The following WFS1 variants were observed in gnomAD, a reference collection of about 807,000 sequenced individuals.
WFS1 encodes the protein wolframin.
WFS1 carries 90 observed loss-of-function variants against 68.5 expected under a neutral mutation model. That is an observed-to-expected ratio of 1.31 (90% CI 1.11 to 1.56). WFS1 has a LOEUF of 1.56. Among genes scored for constraint, WFS1 ranks in the 40% most tolerant of loss-of-function variants. WFS1 has a pLI of 0.00. For synonymous variants in WFS1, 860 were observed against 540.7 expected, an observed-to-expected ratio of 1.59 and a Z score of -8.19; for missense variants, 1,767 against 1,232.6, an observed-to-expected ratio of 1.43 and a Z score of -6.49.
chr4:6,294,039 G>A lies in WFS1; in HGVS notation c.713-1002G>A, dbSNP rs975883624. Among the ~76,000 whole-genome samples, 5 of 152,128 alleles carry A rather than the reference G, an allele frequency of 3.3e-5. No individual in the cohort carries two copies. In the South Asian group the frequency reaches 6.2e-4, roughly 19 times the overall value. On this transcript the variant is annotated intron_variant, in intron 6 of 7. Transcript: ENST00000226760. ...TGCAGCTACACCTGGGTGCTGCCCCGACTCCTCTCCTCTTGCACACACAGC... is the reference window on the plus strand; with the variant it reads ...TGCAGCTACACCTGGGTGCTGCCCCAACTCCTCTCCTCTTGCACACACAGC...
Position 6,300,850 on chromosome 4 carries a change from T to C in WFS1, c.1055T>C (p.Leu352Pro). ...AFFIPLVIFY[L>P]SFISMVICTL... ...TTCATCCCGCTGGTCATCTTCTACC[T>C]GTCCTTCATCTCCATGGTGATCTGC... is the stretch of plus-strand genomic sequence containing the variant. The change falls in exon 8 of 8, where the codon CTG (leucine) becomes CCG (proline). Residue 352 changes from leucine to proline, a missense_variant. Physicochemically the swap from Leu to Pro is moderately conservative, Grantham distance 98. Transcript: ENST00000226760. 1 of 1,614,142 alleles carries C rather than the reference T, an allele frequency of 6.2e-7. No homozygotes were observed.
chr4:6,293,985 GC>G (rs1043197907), intron 6 of WFS1, among the ~76,000 whole-genome samples: 2 of 150,138 alleles, frequency 1.3e-5, no homozygotes, highest in Non-Finnish European at 3.0e-5. Flanking sequence ...ACTTGTGTGG[GC>G]CCCCCCAAGG....
Position 6,291,179 on chromosome 4 carries a change from C to G in WFS1, c.461-18C>G. 1 of 1,611,252 alleles carries G rather than the reference C, an allele frequency of 6.2e-7. No homozygotes were observed. The highest frequency in any genetic ancestry group is 8.5e-7 in the Non-Finnish European group (1 of 1,179,820). ...TAGGCAGGGCACACAAGGCCTTTGA[C>G]CACATCCTATCCCTCAGGCATCACG... On this transcript the variant is annotated intron_variant, in intron 4 of 7. Coordinates refer to ENST00000226760, the MANE Select transcript of WFS1 (RefSeq NM_006005.3).
chr4:6,299,533 G>C (rs1186631975), intron 7 of WFS1, among the ~76,000 whole-genome samples: 1 of 112,414 alleles, frequency 8.9e-6, no homozygotes, highest in Non-Finnish European at 1.8e-5. Flanking sequence ...ATGTGTATAG[G>C]GGTGGGTTGT....
At chr4:6,274,148 A>G (rs971502062) in intron 1 of WFS1, among the ~76,000 whole-genome samples, 1 of 150,830 alleles carries the variant, frequency 6.6e-6, no homozygotes, top group Non-Finnish European at 1.5e-5. Context: ...CTGGGTTCAC[A>G]CCATTCTCCT....
chr4:6,283,222 G>A lies in WFS1; in HGVS notation c.233-3871G>A, dbSNP rs1294080950. On this transcript the variant is annotated intron_variant, in intron 2 of 7. Coordinates refer to ENST00000226760, the MANE Select transcript of WFS1 (RefSeq NM_006005.3). The surrounding 1 kb of genome is among the most constrained non-coding windows in gnomAD (Gnocchi z 5.0). ...GTGCATGACAAATAATTAAAAAGAT[G>A]TAGGGTGTTCTCCATAGAACCTCAC... is the stretch of plus-strand genomic sequence containing the variant. Among the ~76,000 whole-genome samples the A allele has an allele frequency of 1.3e-5, 2 of 152,196 alleles. No homozygotes were observed. Among genetic ancestry groups the A allele is most frequent in the Non-Finnish European group, 2.9e-5 (2 of 68,040 alleles).
At chr4:6,282,200 A>G (rs1396454520) in intron 2 of WFS1, among the ~76,000 whole-genome samples, 4 of 152,218 alleles carry the variant, frequency 2.6e-5, no homozygotes, top group South Asian at 2.1e-4. Flanking sequence ...AGGGCTGAGG[A>G]CCATTCAGCC....
rs1435758866 is a variant in WFS1, at chr4:6,302,217, A to G, written c.2422A>G (p.Ser808Gly). ...VTKDIVLRAS[S>G]EFKSVLLSLR... is the part of the protein sequence containing the mutation. The stretch of plus-strand genomic sequence containing the variant: ...CAAGGACATCGTGCTGCGGGCCAGC[A>G]GCGAGTTCAAGAGCGTGCTGCTCAG... The change falls in exon 8 of 8, where the codon AGC (serine) becomes GGC (glycine). Residue 808 changes from serine (S) to glycine (G), a missense_variant. Coordinates refer to ENST00000226760, the MANE Select transcript of WFS1 (RefSeq NM_006005.3). 3 of 1,610,932 alleles carry G rather than the reference A, an allele frequency of 1.9e-6. No individual in the cohort carries two copies. Among genetic ancestry groups the G allele is most frequent in the South Asian group, 1.1e-5 (1 of 90,978 alleles).
chr4:6,291,770 C>A (rs1730470410), intron 5 of WFS1, 147 bp from the exon 6 acceptor site: 1 of 858,144 alleles, frequency 1.2e-6, no homozygotes, highest in East Asian at 2.7e-5. Context: ...CCCTGCTCTG[C>A]CTGCCCTGGG....
Position 6,301,924 on chromosome 4 carries a change from C to G in WFS1, c.2129C>G (p.Thr710Ser), listed in dbSNP as rs200136995. ...GGCCGCTTCAAGTACGTCCGCGTGA[C>G]TGACATCGACAACAGCGCCGAGTCT... is the stretch of plus-strand genomic sequence containing the variant. ...WTGRFKYVRVTDIDNSAESAI... is the reference protein window; with the variant it reads ...WTGRFKYVRVSDIDNSAESAI... Residue 710 changes from threonine (T) to serine (S), a missense_variant, in exon 8 of 8, where the codon ACT (threonine) becomes AGT (serine). Thr to Ser is a moderately conservative substitution (Grantham distance 58). Coordinates refer to ENST00000226760, the MANE Select transcript of WFS1 (RefSeq NM_006005.3). The G allele has an allele frequency of 1.3e-5, 21 of 1,612,974 alleles. No individual in the cohort carries two copies. The highest frequency in any genetic ancestry group is 1.6e-4 in the Middle Eastern group (1 of 6,062).
At chr4:6,282,026 G>A (rs1326530130) in intron 2 of WFS1, among the ~76,000 whole-genome samples, 1 of 152,200 alleles carries the variant, frequency 6.6e-6, no homozygotes, top group African/African-American at 2.4e-5. Flanking sequence ...GGACGTGCTC[G>A]TTCTTGCCTG....
intron 2 of WFS1, among the ~76,000 whole-genome samples, chr4:6,282,065 G>T (rs1338339833): frequency 2.0e-5 from 3 of 152,224 alleles, no homozygotes; most frequent in Non-Finnish European, 4.4e-5. Context: ...TGAGCTCAGG[G>T]GTCCTGCCTG....
At chr4:6,286,714 G>A (rs1730319668) in intron 2 of WFS1, among the ~76,000 whole-genome samples, 1 of 152,182 alleles carries the variant, frequency 6.6e-6, no homozygotes, top group African/African-American at 2.4e-5. Flanking sequence ...TTAGGTCATG[G>A]GCTGTCAAAC....
At chr4:6,293,467 C>T (rs939385448) in intron 6 of WFS1, among the ~76,000 whole-genome samples, 12 of 152,218 alleles carry the variant, frequency 7.9e-5, no homozygotes, top group African/African-American at 2.7e-4. Flanking sequence ...CGTCCTCCGT[C>T]CTTTGCTCTC....
At chr4:6,297,224 C>A (rs192778009) in intron 7 of WFS1, among the ~76,000 whole-genome samples, 15 of 152,160 alleles carry the variant, frequency 9.9e-5, no homozygotes, top group Admixed American at 9.8e-4. Flanking sequence ...CAGAGCACTT[C>A]GATTCCTTTG....
chr4:6,285,511 C>G (rs964877384), intron 2 of WFS1, among the ~76,000 whole-genome samples: 10 of 152,176 alleles, frequency 6.6e-5, no homozygotes, highest in Admixed American at 2.0e-4. Flanking sequence ...CCATCTGATT[C>G]TTTCCTTCTC....
At chr4:6,300,459 G>C (rs1387654313) in intron 7 of WFS1, among the ~76,000 whole-genome samples, 198 bp from the exon 8 acceptor site, 3 of 152,056 alleles carry the variant, frequency 2.0e-5, no homozygotes, top group African/African-American at 7.2e-5. Context: ...GAAGAGGGAG[G>C]GCTCACAGGG....
chr4:6,286,617 A>C (rs180687320), intron 2 of WFS1, among the ~76,000 whole-genome samples: 3 of 152,358 alleles, frequency 2.0e-5, no homozygotes, highest in South Asian at 2.1e-4. Context: ...AATATCCAAA[A>C]AATGTGGTTT....
chr4:6,293,877 T>C (rs1730546953), intron 6 of WFS1, among the ~76,000 whole-genome samples: 1 of 152,130 alleles, frequency 6.6e-6, no homozygotes, highest in South Asian at 2.1e-4. Flanking sequence ...CCAGGCTGCA[T>C]CCAGCCCGTG....
Sources: gnomAD v4.1 joint callset for allele counts (sites outside exome capture counted in the v4.1 genomes callset) on GRCh38, gnomAD v4.1.1 for gene constraint, Gnocchi (gnomAD v3.1) non-coding constraint, MANE v1.5 for transcripts, NCBI Gene and HGNC (gene_info 2026-07-23, HGNC 2026-07-21) for gene names.